The following USP48 variants were observed in gnomAD, a reference collection of about 807,000 sequenced individuals.
USP48 encodes ubiquitin carboxyl-terminal hydrolase 48.
USP48 carries 43 observed loss-of-function variants against 150.7 expected under a neutral mutation model. That is an observed-to-expected ratio of 0.29 (90% CI 0.22 to 0.37). The LOEUF (loss-of-function observed/expected upper bound fraction) is 0.37. Ranked by LOEUF, USP48 falls within the 10% of genes least tolerant of loss-of-function variation. The pLI, the probability that USP48 is intolerant of heterozygous loss-of-function variation, is 1.00. For missense variants in USP48, 813 were observed against 1,249.6 expected, an observed-to-expected ratio of 0.65 and a Z score of 5.27; for synonymous variants, 396 against 425.9, an observed-to-expected ratio of 0.93 and a Z score of 0.86.
At chr1:21,729,207 A>G (rs1395491932) in intron 10 of USP48, among the ~76,000 whole-genome samples, 1 of 151,582 alleles carries the variant, frequency 6.6e-6, no homozygotes, top group African/African-American at 2.4e-5. Context: ...GCTTAAACCC[A>G]GGAGGCAGAG....
intron 21 of USP48, 91 bp downstream of exon 21, chr1:21,703,421 C>G: frequency 1.0e-6 from 1 of 963,370 alleles, no homozygotes; most frequent in Non-Finnish European, 1.6e-6. Context: ...AAATGCAGTC[C>G]TAGGCAGACC....
intron 23 of USP48, among the ~76,000 whole-genome samples, chr1:21,690,594 G>C (rs1232275646): frequency 6.6e-6 from 1 of 152,004 alleles, no homozygotes; most frequent in Admixed American, 6.6e-5. Flanking sequence ...CGCGATCATG[G>C]CTCATTGCAG....
At chr1:21,737,919 G>A (rs1002870013) in intron 8 of USP48, among the ~76,000 whole-genome samples, 1 of 150,354 alleles carries the variant, frequency 6.7e-6, no homozygotes, top group African/African-American at 2.5e-5. Context: ...TTTTCCCTGA[G>A]ACGGGGTCTT....
intron 25 of USP48, among the ~76,000 whole-genome samples, chr1:21,681,910 C>A (rs2097566985): frequency 6.6e-6 from 1 of 152,214 alleles, no homozygotes; most frequent in Non-Finnish European, 1.5e-5. Flanking sequence ...ATCCCTTCCA[C>A]TTTTCCTTGT....
intron 23 of USP48, among the ~76,000 whole-genome samples, chr1:21,693,643 T>C (rs2097610883): frequency 6.6e-6 from 1 of 152,238 alleles, no homozygotes. Context: ...AGCACAGGCT[T>C]TTAAAAATGT....
At chr1:21,688,842 C>CA (rs1185263002) in intron 24 of USP48, among the ~76,000 whole-genome samples, 45,493 of 88,834 alleles carry the variant, frequency 0.51, 11,727 homozygotes, top group East Asian at 0.6. Context: ...GACTCCATCT[C>CA]AAAAAAAAAA....
intron 22 of USP48, among the ~76,000 whole-genome samples, chr1:21,698,789 G>A (rs1453091489): frequency 1.3e-5 from 2 of 151,950 alleles, no homozygotes; most frequent in African/African-American, 4.8e-5. Context: ...CCGTTACTGG[G>A]GAGCCTGAGG....
At chr1:21,692,861 A>G (rs2097606986) in intron 23 of USP48, among the ~76,000 whole-genome samples, 2 of 152,210 alleles carry the variant, frequency 1.3e-5, no homozygotes, top group Admixed American at 1.3e-4. Flanking sequence ...AAGATGGAAC[A>G]GGCCAACCAA....
At chr1:21,778,601 T>TAAAA (rs35911894) in intron 1 of USP48, among the ~76,000 whole-genome samples, 13 of 88,870 alleles carry the variant, frequency 1.5e-4, no homozygotes, top group Non-Finnish European at 1.8e-4. Flanking sequence ...ACCCTCATCT[T>TAAAA]AAAAAAAAAA....
chr1:21,740,905 A>C (rs1304857840), intron 8 of USP48, among the ~76,000 whole-genome samples: 1 of 152,268 alleles, frequency 6.6e-6, no homozygotes, highest in East Asian at 1.9e-4. Context: ...ACCTCAGATC[A>C]GGTTGACCTG....
chr1:21,695,825 C>T, intron 22 of USP48, among the ~76,000 whole-genome samples: 1 of 152,012 alleles, frequency 6.6e-6, no homozygotes, highest in East Asian at 1.9e-4. Flanking sequence ...TTGAGAATGA[C>T]ATGGAAACTA....
At chr1:21,768,272 GA>G in intron 1 of USP48, 1 of 165,048 alleles carries the variant, frequency 6.1e-6, no homozygotes. Context: ...CTCCAATATG[GA>G]AAAATTCTCC....
chr1:21,743,214 G>A (rs1168947581), intron 8 of USP48, among the ~76,000 whole-genome samples: 1 of 152,114 alleles, frequency 6.6e-6, no homozygotes, highest in Admixed American at 6.6e-5. Flanking sequence ...GGCTGAAGAG[G>A]AACCAAAGCC....
intron 15 of USP48, among the ~76,000 whole-genome samples, chr1:21,714,390 C>A (rs1231976542): frequency 1.3e-5 from 2 of 152,140 alleles, no homozygotes; most frequent in Non-Finnish European, 2.9e-5. Flanking sequence ...TCCTCTCACC[C>A]TCCTGAGAAA....
chr1:21,691,603 C>A (rs1389039477), intron 23 of USP48, among the ~76,000 whole-genome samples: 2 of 152,220 alleles, frequency 1.3e-5, no homozygotes, highest in Admixed American at 6.5e-5. Context: ...CCACTGCACT[C>A]CAGTCTGGGC....
At chr1:21,738,042 G>A (rs1156638720) in intron 8 of USP48, among the ~76,000 whole-genome samples, 1 of 151,916 alleles carries the variant, frequency 6.6e-6, no homozygotes, top group Non-Finnish European at 1.5e-5. Context: ...GGGATGACAG[G>A]TGTACATTTT....
At chr1:21,744,834 C>T (rs897320368) in intron 8 of USP48, among the ~76,000 whole-genome samples, 1 of 132,230 alleles carries the variant, frequency 7.6e-6, no homozygotes, top group Non-Finnish European at 1.6e-5. Flanking sequence ...AGGAATATGG[C>T]AAGACTTGAG....
rs750484958 is a variant in USP48, at chr1:21,756,529, C to G, written c.412+17G>C. On this transcript the variant is annotated intron_variant, in intron 3 of 26. Coordinates refer to ENST00000308271, the MANE Select transcript of USP48 (RefSeq NM_032236.8). ...AATGTTCAGGAAGAGAGCTCTCCCC[C>G]ACCCCTTTCCACCCACCTTTTTCTT... is the stretch of plus-strand genomic sequence containing the variant. 2 of 1,570,984 alleles carry G rather than the reference C, an allele frequency of 1.3e-6. No homozygotes were observed. The highest frequency in any genetic ancestry group is 1.7e-6 in the Non-Finnish European group (2 of 1,166,814).
intron 15 of USP48, among the ~76,000 whole-genome samples, chr1:21,709,450 A>T (rs767474391): frequency 2.0e-5 from 3 of 152,226 alleles, no homozygotes; most frequent in African/African-American, 4.8e-5. Context: ...TAATTGGATT[A>T]TCAAACCTTA....
Sources: allele counts gnomAD v4.1 joint callset (sites outside exome capture counted in the v4.1 genomes callset), GRCh38; gene constraint gnomAD v4.1.1; transcripts MANE v1.5; gene names NCBI Gene and HGNC (gene_info 2026-07-23, HGNC 2026-07-21).